The following NOTCH4 variants were observed in gnomAD, a reference collection of about 807,000 sequenced individuals.
NOTCH4 encodes neurogenic locus notch homolog protein 4.
In NOTCH4, 138 loss-of-function variants were observed where a neutral mutation model predicts 189.0. The ratio of observed to expected loss-of-function variants is 0.73; its 90% confidence interval spans 0.64 to 0.84. NOTCH4 has a LOEUF of 0.84. Ranked by LOEUF, NOTCH4 falls within the 40% of genes least tolerant of loss-of-function variation. The pLI, the probability that NOTCH4 is intolerant of heterozygous loss-of-function variation, is 0.00. For synonymous variants in NOTCH4, 942 were observed against 1,032.8 expected (o/e 0.91, Z 1.69); for missense variants, 2,286 against 2,605.4 (o/e 0.88, Z 2.67).
chr6:32,201,873 C>T lies in NOTCH4; in HGVS notation c.3755+203G>A, dbSNP rs1012296928. 6 of 446,710 alleles carry T rather than the reference C, an allele frequency of 1.3e-5. No homozygotes were observed. Among genetic ancestry groups the T allele is most frequent in the South Asian group, 2.2e-4 (2 of 9,244 alleles). 27.7% of individuals were successfully genotyped at this position (446,710 alleles called of 1,614,324 possible). On this transcript the variant is annotated intron_variant, in intron 21 of 29. Coordinates refer to ENST00000375023, the MANE Select transcript of NOTCH4 (RefSeq NM_004557.4). The surrounding 1 kb of genome is among the most constrained non-coding windows in gnomAD (Gnocchi z 5.5). The stretch of plus-strand genomic sequence containing the variant: ...CTCTTAGAGAGGAGCCCAAAGGCCA[C>T]GCCCCACATTAAATACTGATGCCAC...
rs573270871 is a variant in NOTCH4 at position 32,212,649 on chromosome 6, G to A, written c.2527-22C>T. ...GAGTCTGAGGGGTGGGAGGGAGCGT[G>A]AGGCAGGACATAGCATCAGATTCTC... On this transcript the variant is annotated intron_variant, in intron 16 of 29. Coordinates refer to ENST00000375023, the MANE Select transcript of NOTCH4 (RefSeq NM_004557.4). The surrounding 1 kb of genome is among the most constrained non-coding windows in gnomAD (Gnocchi z 4.4). The A allele has an allele frequency of 2.3e-5, 36 of 1,599,380 alleles. No individual in the cohort carries two copies. The African/African-American group carries it at 4.8e-4, about 21-fold the overall frequency.
In NOTCH4 at chr6:32,224,018, C is replaced by T; in HGVS notation, c.-90G>A. 2 of 1,303,758 alleles carry T rather than the reference C, an allele frequency of 1.5e-6. No individual in the cohort carries two copies. Among genetic ancestry groups the T allele is most frequent in the East Asian group, 2.6e-5 (1 of 38,264 alleles). 80.8% of individuals were successfully genotyped at this position (1,303,758 alleles called of 1,614,324 possible). ...ACTGGGGCAGGAGCCACCTCCTCTG[C>T]TCCCACTGCCCCTCTTCTTCCTCCT... On this transcript the variant is annotated 5_prime_UTR_variant, in exon 1 of 30. Transcript: ENST00000375023.
At position 32,221,039 on chromosome 6, in the gene NOTCH4, C is replaced by T. The variant is rs747685467; in HGVS notation, c.738G>A (p.Gly246=). ...GPCPPRGCSN[G]GTCQLMPEKD... is the part of the protein sequence containing the mutation. ...TCTCTGGCATCAGCTGGCAGGTGCC[C>T]CCATTCGAACAGCCCCTAGGAGGGC... The change falls in exon 4 of 30, where the codon GGG becomes GGA. Residue 246 remains glycine (G), a synonymous_variant. Coordinates refer to ENST00000375023, the MANE Select transcript of NOTCH4 (RefSeq NM_004557.4). The surrounding 1 kb of genome is among the most constrained non-coding windows in gnomAD (Gnocchi z 4.3). The T allele has an allele frequency of 6.2e-7, 1 of 1,610,752 alleles. No individual in the cohort carries two copies. The highest frequency in any genetic ancestry group is 1.1e-5 in the South Asian group (1 of 91,012).
rs1788337630 is a variant in NOTCH4 at position 32,201,314 on chromosome 6, G to A, written c.3942C>T (p.Ala1314=). 3 of 1,612,820 alleles carry A rather than the reference G, an allele frequency of 1.9e-6. No individual in the cohort carries two copies. Among genetic ancestry groups the A allele is most frequent in the South Asian group, 1.1e-5 (1 of 91,076 alleles). The part of the protein sequence containing the change: ...SPPALDQQLF[A]LARVLSLTLR... ...GAGTCAGGGACAGCACCCGGGCCAG[G>A]GCAAACAGCTGCTGGTCTAGGGCTG... The change falls in exon 22 of 30, where the codon GCC becomes GCT. Residue 1314 remains alanine, a synonymous_variant. Coordinates refer to ENST00000375023, the MANE Select transcript of NOTCH4 (RefSeq NM_004557.4). The surrounding 1 kb of genome is among the most constrained non-coding windows in gnomAD (Gnocchi z 5.5).
At position 32,212,887 on chromosome 6, in the gene NOTCH4, G is replaced by T. The variant is rs1789116286; in HGVS notation, c.2463C>A (p.Cys821Ter). 1.2e-5 allele frequency: 19 copies of T among 1,557,922 alleles called. No homozygotes were observed. Among genetic ancestry groups the T allele is most frequent in the Non-Finnish European group, 1.7e-5 (19 of 1,150,492 alleles). ...AGCGGGGACCCTGAGGGCTGTCCTG[G>T]CAGGTTGCCCTATTCCTACAGGGGC... is the stretch of plus-strand genomic sequence containing the variant. ...ADSPCRNRAT[C>*]QDSPQGPRCL... The change falls in exon 16 of 30, where the codon TGC (cysteine) becomes TGA (stop). Residue 821 changes from cysteine to a stop codon, truncating the protein, a stop_gained. Transcript: ENST00000375023. LOFTEE classifies it high-confidence loss of function. The surrounding 1 kb of genome is among the most constrained non-coding windows in gnomAD (Gnocchi z 4.4).
rs2127491800 is a variant in NOTCH4, at chr6:32,223,027, A to G, written c.133T>C (p.Ser45Pro). Residue 45 changes from serine to proline, a missense_variant, in exon 2 of 30, where the codon TCT becomes CCT. By Grantham distance (74) the Ser-to-Pro change is moderately conservative. Coordinates refer to ENST00000375023, the MANE Select transcript of NOTCH4 (RefSeq NM_004557.4). ...CANGGTCLSL[S>P]LGQGTCQCAP... The stretch of plus-strand genomic sequence containing the variant: ...CACTGGCAGGTCCCTTGTCCCAGAG[A>G]CAGGCTCAGGCAGGTGCCTCCATTG... 1 of 1,612,712 alleles carries G rather than the reference A, an allele frequency of 6.2e-7. No individual in the cohort carries two copies. The highest frequency in any genetic ancestry group is 1.1e-5 in the South Asian group (1 of 91,032).
rs1380801232 is a variant in NOTCH4, at chr6:32,222,566, G to A, written c.396C>T (p.Arg132=). ...GGCGGCCCGAGGCCTGGATGTGGCA[G>A]CGGCCCCTTTTGGAACAGAAGGAGG... ...CPPSFCSKRG[R]CHIQASGRPQ... Residue 132 remains arginine (R), a synonymous_variant, in exon 3 of 30, where the codon CGC becomes CGT. Transcript: ENST00000375023. The A allele has an allele frequency of 6.3e-7, 1 of 1,584,916 alleles. No homozygotes were observed. Among genetic ancestry groups the A allele is most frequent in the Middle Eastern group, 1.7e-4 (1 of 5,814 alleles).
In NOTCH4 at chr6:32,212,033, G is replaced by A. The variant is rs1390660057; in HGVS notation, c.2680+441C>T. On this transcript the variant is annotated intron_variant, in intron 17 of 29. Transcript: ENST00000375023. The surrounding 1 kb of genome is among the most constrained non-coding windows in gnomAD (Gnocchi z 4.4). ...TTAACTCCATCATAATCTCTTTCCCGAGCTCTTCTCATATCAAACCTTATT... is the reference window on the plus strand; with the variant it reads ...TTAACTCCATCATAATCTCTTTCCCAAGCTCTTCTCATATCAAACCTTATT... 6.6e-6 allele frequency among the ~76,000 whole-genome samples: 1 copy of A among 151,970 alleles called. No individual in the cohort carries two copies. Among genetic ancestry groups the A allele is most frequent in the African/African-American group, 2.4e-5 (1 of 41,350 alleles).
rs773114825 is a variant in NOTCH4 at position 32,195,789 on chromosome 6, G to C, written c.5660C>G (p.Ala1887Gly). The change falls in exon 30 of 30, where the codon GCT becomes GGT. Residue 1887 changes from alanine (A) to glycine (G), a missense_variant. Ala to Gly is a moderately conservative substitution (Grantham distance 60). Transcript: ENST00000375023. The surrounding 1 kb of genome is among the most constrained non-coding windows in gnomAD (Gnocchi z 5.4). Reference protein sequence around the residue: ...LQARTWSVDLAARGGGAYSHC... With the variant: ...LQARTWSVDLGARGGGAYSHC... ...AGAATAGGCCCCGCCCCCCCGCGCA[G>C]CCAAGTCTACGGACCAAGTCCGAGC... 5 of 1,605,832 alleles carry C rather than the reference G, an allele frequency of 3.1e-6. No homozygotes were observed. The highest frequency in any genetic ancestry group is 2.2e-5 in the East Asian group (1 of 44,852).
Position 32,199,026 on chromosome 6 carries a change from C to T in NOTCH4, c.4435G>A (p.Gly1479Arg), listed in dbSNP as rs1788160413. The stretch of plus-strand genomic sequence containing the variant: ...AAACCAGGGGGCAGCCAGAGAGCTC[C>T]ATGCTCTCGGCGTCGACGCCGGATG... ...QLIRRRRREH[G>R]ALWLPPGFTR... Residue 1479 changes from glycine (G) to arginine (R), a missense_variant, in exon 24 of 30, where the codon GGA becomes AGA. Around this residue, in one of 2 missense-constraint regions of NOTCH4, gnomAD observed 1,903 missense variants for 2,261.9 expected, o/e 0.84. Transcript: ENST00000375023. This position sits in a 1 kb window ranked among gnomAD's most constrained non-coding sequence, Gnocchi z 4.9. 2 of 1,612,796 alleles carry T rather than the reference C, an allele frequency of 1.2e-6. No individual in the cohort carries two copies. Among genetic ancestry groups the T allele is most frequent in the Non-Finnish European group, 1.7e-6 (2 of 1,179,898 alleles).
At chr6:32,207,595 G>C (rs1296252642) in intron 18 of NOTCH4, among the ~76,000 whole-genome samples, 2 of 148,958 alleles carry the variant, frequency 1.3e-5, no homozygotes, top group Non-Finnish European at 3.0e-5. Flanking sequence ...CTGCACTCCA[G>C]ACTGGGCAAC....
chr6:32,213,993 C>G, intron 13 of NOTCH4, 117 bp downstream of exon 13: 2 of 1,425,184 alleles, frequency 1.4e-6, no homozygotes, highest in Non-Finnish European at 1.9e-6. Context: ...CACCCGTGTC[C>G]CCTGCAGTCC....
At position 32,201,138 on chromosome 6, in the gene NOTCH4, T is replaced by C; in HGVS notation, c.4118A>G (p.Glu1373Gly). 2 of 1,611,734 alleles carry C rather than the reference T, an allele frequency of 1.2e-6. No individual in the cohort carries two copies. Among genetic ancestry groups the C allele is most frequent in the Non-Finnish European group, 1.7e-6 (2 of 1,179,260 alleles). Residue 1373 changes from glutamate to glycine, a missense_variant, in exon 22 of 30, where the codon GAG becomes GGG. Transcript: ENST00000375023. The surrounding 1 kb of genome is among the most constrained non-coding windows in gnomAD (Gnocchi z 5.5). The stretch of plus-strand genomic sequence containing the variant: ...TTACCCAGCACTGAGGGAGTCGGTC[T>C]CCTTGCCCAGGGGCTGCGTTTGAGG... ...AAPQTQPLGK[E>G]TDSLSAGFVV...
chr6:32,203,756 T>G lies in NOTCH4; in HGVS notation c.3231+14A>C, dbSNP rs371230331. On this transcript the variant is annotated intron_variant, in intron 20 of 29. Coordinates refer to ENST00000375023, the MANE Select transcript of NOTCH4 (RefSeq NM_004557.4). ...ATAGGGGGCAACAGAGAAGGCAGAT[T>G]TGTGGTCACTTGCCTTGGGGCAGTG... 2 of 1,542,736 alleles carry G rather than the reference T, an allele frequency of 1.3e-6. No individual in the cohort carries two copies. Among genetic ancestry groups the G allele is most frequent in the African/African-American group, 2.7e-5 (2 of 72,916 alleles).
intron 7 of NOTCH4, 71 bp downstream of exon 7, chr6:32,220,058 T>TTC: frequency 7.3e-7 from 1 of 1,367,852 alleles, no homozygotes; most frequent in Non-Finnish European, 1.0e-6. Flanking sequence ...AAAAGCAATC[T>TTC]GCCCTTTTCT....
chr6:32,220,259 CAT>C lies in NOTCH4; in HGVS notation c.1183_1184del (p.Met395ValfsTer52), dbSNP rs767270737. The C allele has an allele frequency of 2.5e-6, 4 of 1,613,514 alleles. No homozygotes were observed. The highest frequency in any genetic ancestry group is 1.1e-5 in the South Asian group (1 of 91,082). The stretch of plus-strand genomic sequence containing the variant: ...CCCCATGGCACGGCTGGCTCAGACA[CAT>C]GTCTTCCAAGTGGCACAGGAGTCCT... ...RTGLLCHLEDMCLSQPCHGDA... is the reference protein window; with the variant it reads ...RTGLLCHLEDXCLSQPCHGDA... On this transcript the variant is annotated frameshift_variant, in exon 7 of 30. Transcript: ENST00000375023. LOFTEE classifies it high-confidence loss of function.
At position 32,198,518 on chromosome 6, in the gene NOTCH4, A is replaced by G. The variant is rs1561914475; in HGVS notation, c.4659T>C (p.Ser1553=). 1 of 1,612,976 alleles carries G rather than the reference A, an allele frequency of 6.2e-7. No homozygotes were observed. Among genetic ancestry groups the G allele is most frequent in the East Asian group, 2.2e-5 (1 of 44,882 alleles). The change falls in exon 26 of 30, where the codon TCT becomes TCC. Residue 1553 remains serine, a synonymous_variant. Transcript: ENST00000375023. The surrounding 1 kb of genome is among the most constrained non-coding windows in gnomAD (Gnocchi z 5.5). ...TGPPSTCQLW[S]LSGGCGALPQ... is the part of the protein sequence containing the mutation. ...GGAGCGCCCCACAGCCACCACTCAG[A>G]GACCAGAGCTGGCACGTGGAGGGTG...
chr6:32,218,684 C>T (rs1193491203), intron 8 of NOTCH4, among the ~76,000 whole-genome samples: 1 of 152,202 alleles, frequency 6.6e-6, no homozygotes, highest in Admixed American at 6.5e-5. Context: ...GCTTCTGAAG[C>T]TCCTTGATAT....
At position 32,220,223 on chromosome 6, in the gene NOTCH4, G is replaced by A. The variant is rs1188278341; in HGVS notation, c.1221C>T (p.Cys407=). Residue 407 remains cysteine (C), a synonymous_variant, in exon 7 of 30, where the codon TGC becomes TGT. Transcript: ENST00000375023. ...TGGAGCCTGTGAGGGGGTTGGTGCT[G>A]CATTGGGCATCCCCATGGCACGGCT... The part of the protein sequence containing the change: ...LSQPCHGDAQ[C]STNPLTGSTL... 6.2e-7 allele frequency: 1 copy of A among 1,613,672 alleles called. No homozygotes were observed. Among genetic ancestry groups the A allele is most frequent in the African/African-American group, 1.3e-5 (1 of 74,872 alleles).
Sources: allele counts gnomAD v4.1 joint callset (sites outside exome capture counted in the v4.1 genomes callset), GRCh38; gene constraint gnomAD v4.1.1; regional missense constraint gnomAD v4.1.1; non-coding constraint Gnocchi (gnomAD v3.1); transcripts MANE v1.5; gene names NCBI Gene and HGNC (gene_info 2026-07-23, HGNC 2026-07-21).